Variants in FTCDNL1 observed in about 807,000 individuals in gnomAD.
FTCDNL1 encodes formiminotransferase N-terminal subdomain-containing protein.
FTCDNL1 carries 11 observed loss-of-function variants against 5.9 expected under a neutral mutation model. The ratio of observed to expected loss-of-function variants is 1.87; its 90% CI spans 1.18 to 3.10. FTCDNL1 has a LOEUF of 3.10. Among genes scored for constraint, FTCDNL1 ranks in the 30% most tolerant of loss-of-function variants. The pLI is 0.00. For synonymous variants in FTCDNL1, 58 were observed against 24.8 expected (o/e 2.34, Z -3.99); for missense variants, 115 against 65.5 (o/e 1.76, Z -2.61).
At chr2:199,751,102 A>T in the FTCDNL1 span, among the ~76,000 whole-genome samples, 1 of 152,160 alleles carries the variant, frequency 6.6e-6, no homozygotes, top group Non-Finnish European at 1.5e-5. Flanking sequence ...TCATCAGTGG[A>T]AAGTGGACGT....
At chr2:199,760,357 A>T (rs1015779819), downstream of FTCDNL1, among the ~76,000 whole-genome samples, 9 of 152,204 alleles carry the variant, frequency 5.9e-5, no homozygotes, top group African/African-American at 2.2e-4. Context: ...AACTGGAAAG[A>T]GGTTCAGAGC....
chr2:199,837,439 TA>T (rs1202767243), intron 3 of FTCDNL1, among the ~76,000 whole-genome samples: 2 of 152,218 alleles, frequency 1.3e-5, no homozygotes, highest in Admixed American at 6.5e-5. Context: ...ACCCAGCATC[TA>T]AATTGACTGA....
At chr2:199,764,080 G>T (rs1483547815) in intron 3 of FTCDNL1, among the ~76,000 whole-genome samples, 1 of 152,142 alleles carries the variant, frequency 6.6e-6, no homozygotes, top group Non-Finnish European at 1.5e-5. Flanking sequence ...GACCTCAAGT[G>T]ATCCATCCGC....
intron 3 of FTCDNL1, among the ~76,000 whole-genome samples, chr2:199,835,889 G>A (rs189081507): frequency 6.6e-6 from 1 of 152,216 alleles, no homozygotes; most frequent in Admixed American, 6.5e-5. Context: ...AGGCCCCCTG[G>A]GGCTCCCTTT....
the FTCDNL1 span, among the ~76,000 whole-genome samples, chr2:199,735,198 G>C: frequency 6.7e-6 from 1 of 148,754 alleles, no homozygotes; most frequent in Non-Finnish European, 1.5e-5. Context: ...TACCAACACA[G>C]AACTCTATGA....
At chr2:199,691,228 A>G in the FTCDNL1 span, among the ~76,000 whole-genome samples, 3 of 152,154 alleles carry the variant, frequency 2.0e-5, no homozygotes, top group Non-Finnish European at 2.9e-5. Context: ...GCTGGAGTGC[A>G]ATGGCACGAT....
At position 199,810,107 on chromosome 2, in the gene FTCDNL1, T is replaced by C. The variant is rs1463364998; in HGVS notation, c.*2598A>G. 6.6e-6 allele frequency among the ~76,000 whole-genome samples: 1 copy of C among 152,110 alleles called. No homozygotes were observed. Among genetic ancestry groups the C allele is most frequent in the Non-Finnish European group, 1.5e-5 (1 of 68,030 alleles). On this transcript the variant is annotated 3_prime_UTR_variant, in exon 5 of 5. Coordinates refer to ENST00000420128, the MANE Select transcript of FTCDNL1 (RefSeq NM_001363886.2). ...GAGAAAGAAAAGCACGGTTAAGAGC[T>C]AAGCGTCATCAGCAGCAACAGGCCT...
chr2:199,710,398 T>C, the FTCDNL1 span, among the ~76,000 whole-genome samples: 1 of 152,114 alleles, frequency 6.6e-6, no homozygotes, highest in African/African-American at 2.4e-5. Context: ...GTTAAATAAA[T>C]GTCTTTAAAC....
chr2:199,759,965 G>A (rs1328631213), downstream of FTCDNL1, among the ~76,000 whole-genome samples: 1 of 152,092 alleles, frequency 6.6e-6, no homozygotes, highest in Admixed American at 6.6e-5. Flanking sequence ...ATGGTGTCAG[G>A]CCAAAGAGCT....
In FTCDNL1 at chr2:199,811,939, C is replaced by T. The variant is rs948802917; in HGVS notation, c.*766G>A. On this transcript the variant is annotated 3_prime_UTR_variant, in exon 5 of 5. Coordinates refer to ENST00000420128, the MANE Select transcript of FTCDNL1 (RefSeq NM_001363886.2). Reference sequence around the variant, plus strand: ...AGCGACTTACTTGATTGAAATGAAACTCTTATTTTTAAAATTCCTTCAAAA... The same window carrying T: ...AGCGACTTACTTGATTGAAATGAAATTCTTATTTTTAAAATTCCTTCAAAA... Among the ~76,000 whole-genome samples the T allele has an allele frequency of 1.3e-5, 2 of 152,200 alleles. No individual in the cohort carries two copies. Among genetic ancestry groups the T allele is most frequent in the African/African-American group, 2.4e-5 (1 of 41,452 alleles).
chr2:199,727,787 G>A, the FTCDNL1 span, among the ~76,000 whole-genome samples: 30,910 of 151,870 alleles, frequency 0.2, 3,373 homozygotes, highest in Middle Eastern at 0.33. Context: ...ACTCTTAAAG[G>A]GCTTTTACAT....
the FTCDNL1 span, among the ~76,000 whole-genome samples, chr2:199,717,431 C>T: frequency 6.7e-6 from 1 of 149,972 alleles, no homozygotes; most frequent in South Asian, 2.1e-4. Flanking sequence ...TTGTTGTTAA[C>T]TTCCCACAAT....
At chr2:199,844,114 G>T (rs571981855) in intron 3 of FTCDNL1, among the ~76,000 whole-genome samples, 1 of 151,530 alleles carries the variant, frequency 6.6e-6, no homozygotes, top group African/African-American at 2.4e-5. Flanking sequence ...AACTGCTATT[G>T]TTTCCTCAAG....
downstream of FTCDNL1, among the ~76,000 whole-genome samples, chr2:199,808,909 A>C (rs1446973269): frequency 6.6e-6 from 1 of 152,136 alleles, no homozygotes; most frequent in Admixed American, 6.5e-5. Context: ...AGCCCTCCAA[A>C]CCACTGTCTG....
At chr2:199,673,327 CAAAAAAAAAAA>C in the FTCDNL1 span, among the ~76,000 whole-genome samples, 1 of 69,792 alleles carries the variant, frequency 1.4e-5, no homozygotes, top group Non-Finnish European at 2.6e-5. Flanking sequence ...GACTCTGTCT[CAAAAAAAAAAA>C]AAAAAAAAAA....
chr2:199,738,444 T>G, the FTCDNL1 span, among the ~76,000 whole-genome samples: 3 of 152,214 alleles, frequency 2.0e-5, no homozygotes, highest in Non-Finnish European at 4.4e-5. Flanking sequence ...CATAAAATGG[T>G]TTATATTACA....
the FTCDNL1 span, among the ~76,000 whole-genome samples, chr2:199,729,000 T>C: frequency 6.6e-6 from 1 of 152,146 alleles, no homozygotes; most frequent in Non-Finnish European, 1.5e-5. Flanking sequence ...GCAGCAGCTG[T>C]TGTCAAAAAT....
At chr2:199,759,133 T>A (rs1046033520), downstream of FTCDNL1, among the ~76,000 whole-genome samples, 1 of 149,456 alleles carries the variant, frequency 6.7e-6, no homozygotes, top group Non-Finnish European at 1.5e-5. Context: ...GTATATATAT[T>A]TGTGTGTGTA....
At chr2:199,665,629 C>T in the FTCDNL1 span, among the ~76,000 whole-genome samples, 3 of 95,186 alleles carry the variant, frequency 3.2e-5, no homozygotes, top group South Asian at 1.1e-3. Flanking sequence ...AGCAAAACTT[C>T]GTCTTAAAAA....
Sources: gnomAD v4.1 joint callset for allele counts (sites outside exome capture counted in the v4.1 genomes callset) on GRCh38, gnomAD v4.1.1 for gene constraint, MANE v1.5 for transcripts, NCBI Gene and HGNC (gene_info 2026-07-23, HGNC 2026-07-21) for gene names.